The following LRRC28 variants were observed in gnomAD, a reference collection of about 807,000 sequenced individuals.
LRRC28 encodes the protein leucine rich repeat containing 28.
A neutral mutation model predicts 45.7 loss-of-function variants in LRRC28; 39 were observed. The observed-to-expected ratio is 0.85, with a 90% CI of 0.66 to 1.12. LRRC28 has a LOEUF of 1.12. Ranked by LOEUF, LRRC28 falls within the 50% of genes most tolerant of loss-of-function variation. The pLI, the probability that LRRC28 is intolerant of heterozygous loss-of-function variation, is 0.00. For synonymous variants in LRRC28, 206 were observed against 178.8 expected, an observed-to-expected ratio of 1.15 and a Z score of -1.22; for missense variants, 435 against 438.5, an observed-to-expected ratio of 0.99 and a Z score of 0.07.
intron 7 of LRRC28, among the ~76,000 whole-genome samples, chr15:99,358,339 A>G (rs1395003850): frequency 6.6e-6 from 1 of 152,192 alleles, no homozygotes; most frequent in Non-Finnish European, 1.5e-5. Flanking sequence ...CCATGTTTGC[A>G]AATAAGGAAA....
intron 5 of LRRC28, among the ~76,000 whole-genome samples, chr15:99,297,649 A>G (rs1038898831): frequency 6.6e-6 from 1 of 151,260 alleles, no homozygotes; most frequent in Admixed American, 6.6e-5. Flanking sequence ...AAGTAACTTT[A>G]TAGTATAATT....
intron 2 of LRRC28, among the ~76,000 whole-genome samples, chr15:99,256,819 C>T (rs1461102990): frequency 7.2e-5 from 11 of 152,190 alleles, no homozygotes; most frequent in Admixed American, 7.2e-4. Context: ...ATGTCCAAAT[C>T]AAGCTTTTTA....
intron 3 of LRRC28, among the ~76,000 whole-genome samples, chr15:99,281,975 G>A: frequency 6.6e-6 from 1 of 151,764 alleles, no homozygotes; most frequent in Non-Finnish European, 1.5e-5. Flanking sequence ...ATTATTTTTT[G>A]AGATGGGGGT....
At chr15:99,322,940 T>G (rs1457654706) in intron 5 of LRRC28, among the ~76,000 whole-genome samples, 3 of 152,218 alleles carry the variant, frequency 2.0e-5, no homozygotes. Context: ...TAGCAGAGGC[T>G]TTGACCACTT....
intron 3 of LRRC28, among the ~76,000 whole-genome samples, chr15:99,279,268 T>A (rs2081711051): frequency 6.6e-6 from 1 of 152,260 alleles, no homozygotes; most frequent in South Asian, 2.1e-4. Context: ...TTCCGTTGAA[T>A]AGATACATGA....
intron 9 of LRRC28, among the ~76,000 whole-genome samples, chr15:99,374,857 C>G (rs1271002182): frequency 6.6e-6 from 1 of 151,224 alleles, no homozygotes; most frequent in Non-Finnish European, 1.5e-5. Context: ...TTAGTAGAGA[C>G]AGGGTTTTAC....
chr15:99,322,229 G>A (rs1955823287), intron 5 of LRRC28, among the ~76,000 whole-genome samples: 1 of 152,154 alleles, frequency 6.6e-6, no homozygotes, highest in African/African-American at 2.4e-5. Flanking sequence ...AGATTTTATT[G>A]AAGTGCAGCA....
intron 9 of LRRC28, among the ~76,000 whole-genome samples, chr15:99,382,516 AGTT>A (rs1490114342): frequency 2.6e-5 from 4 of 152,206 alleles, no homozygotes; most frequent in African/African-American, 9.7e-5. Flanking sequence ...TTTAGAATTA[AGTT>A]GTTTAATTTC....
intron 6 of LRRC28, among the ~76,000 whole-genome samples, chr15:99,334,577 A>G (rs1956263609): frequency 6.6e-6 from 1 of 152,150 alleles, no homozygotes; most frequent in South Asian, 2.1e-4. Flanking sequence ...TAAAACTTTA[A>G]AGACCTTAAA....
At position 99,372,638 on chromosome 15, in the gene LRRC28, C is replaced by T. The variant is rs1957515316; in HGVS notation, c.1031+9373C>T. On this transcript the variant is annotated intron_variant, in intron 9 of 9. Transcript: ENST00000301981. ...TATTTGTTGCACAAATATGAAACCT[C>T]CAGGTTACTCCACCCCCGTGAGCTT... 1.3e-5 allele frequency among the ~76,000 whole-genome samples: 2 copies of T among 152,096 alleles called. 1 individual carries two copies. Among genetic ancestry groups the T allele is most frequent in the South Asian group, 4.1e-4 (2 of 4,824 alleles).
intron 2 of LRRC28, among the ~76,000 whole-genome samples, chr15:99,261,654 T>C (rs990672652): frequency 6.6e-6 from 1 of 152,024 alleles, no homozygotes; most frequent in African/African-American, 2.4e-5. Context: ...TAATCTTAAT[T>C]TTAATTTTAA....
chr15:99,307,749 A>T (rs917536416), intron 5 of LRRC28, among the ~76,000 whole-genome samples: 13 of 152,158 alleles, frequency 8.5e-5, no homozygotes, highest in Non-Finnish European at 1.8e-4. Flanking sequence ...TCCAACACTC[A>T]TCTCAGTTTT....
intron 2 of LRRC28, among the ~76,000 whole-genome samples, chr15:99,266,467 T>G (rs2081335338): frequency 1.3e-5 from 2 of 149,494 alleles, no homozygotes; most frequent in Admixed American, 6.7e-5. Context: ...AGTGAGACCT[T>G]GTCTAAAAAA....
At chr15:99,291,325 T>G (rs1425186287) in intron 5 of LRRC28, among the ~76,000 whole-genome samples, 2 of 152,196 alleles carry the variant, frequency 1.3e-5, no homozygotes, top group African/African-American at 4.8e-5. Context: ...GATAGGAACT[T>G]TTGATTGAGC....
At chr15:99,312,359 A>C (rs1955445034) in intron 5 of LRRC28, among the ~76,000 whole-genome samples, 1 of 152,212 alleles carries the variant, frequency 6.6e-6, no homozygotes, top group Non-Finnish European at 1.5e-5. Flanking sequence ...GTCTAGGCCT[A>C]CACAGGGTCA....
intron 5 of LRRC28, among the ~76,000 whole-genome samples, chr15:99,305,312 C>G (rs890364381): frequency 6.6e-6 from 1 of 152,126 alleles, no homozygotes; most frequent in Non-Finnish European, 1.5e-5. Context: ...GTTGACAAGT[C>G]TTTCAGGGCT....
At chr15:99,319,369 A>G (rs890842578) in intron 5 of LRRC28, among the ~76,000 whole-genome samples, 16 of 152,194 alleles carry the variant, frequency 1.1e-4, no homozygotes, top group African/African-American at 3.9e-4. Flanking sequence ...AAGATAAAGG[A>G]TTTTTCCAAA....
intron 6 of LRRC28, among the ~76,000 whole-genome samples, chr15:99,350,040 G>A (rs1052283588): frequency 6.6e-6 from 1 of 151,292 alleles, no homozygotes; most frequent in African/African-American, 2.4e-5. Context: ...GGAGGCTGAG[G>A]CAGGAGAATG....
intron 7 of LRRC28, among the ~76,000 whole-genome samples, chr15:99,356,343 G>T (rs547835080): frequency 6.6e-6 from 1 of 152,224 alleles, no homozygotes; most frequent in East Asian, 1.9e-4. Context: ...GAATGAAAAG[G>T]CCAGAAAAAT....
Sources: gnomAD v4.1 joint callset for allele counts (sites outside exome capture counted in the v4.1 genomes callset) on GRCh38, gnomAD v4.1.1 for gene constraint, MANE v1.5 for transcripts, NCBI Gene and HGNC (gene_info 2026-07-23, HGNC 2026-07-21) for gene names.